Variants in STS observed in about 807,000 individuals in gnomAD.
STS encodes the protein steroid sulfatase.
In STS, 7 loss-of-function variants were observed where a neutral mutation model predicts 26.8. The observed-to-expected ratio is 0.26, with a 90% CI of 0.15 to 0.49. The LOEUF is 0.49. Among genes scored for constraint, STS ranks in the 20% least tolerant of loss-of-function variants. STS has a pLI of 0.98. For synonymous variants in STS, 199 were observed against 189.4 expected, an observed-to-expected ratio of 1.05 and a Z score of -0.42; for missense variants, 434 against 465.6, an observed-to-expected ratio of 0.93 and a Z score of 0.63.
At chrX:7,163,324 A>T (rs73192658) in intron 1 of STS, among the ~76,000 whole-genome samples, 1 of 112,257 alleles carries the variant, frequency 8.9e-6, no homozygotes, top group Admixed American at 9.5e-5. Flanking sequence ...AGAATCACCA[A>T]ATTGGAAACA....
Position 7,194,835 on chromosome X carries a change from G to T in STS, c.-5+3827G>T, listed in dbSNP as rs753024562. 6.3e-5 allele frequency among the ~76,000 whole-genome samples: 7 copies of T among 111,547 alleles called. No individual in the cohort carries two copies. The East Asian group carries it at 1.1e-3, about 18-fold the overall frequency. The stretch of plus-strand genomic sequence containing the variant: ...ATACGTTCTGAGAAATGCTCTGATG[G>T]GTGATTTAGTCACCGCGTGAACATA... On this transcript the variant is annotated intron_variant, in intron 2 of 10. Transcript: ENST00000674429.
chrX:7,158,408 AG>A (rs1380349007), intron 1 of STS, among the ~76,000 whole-genome samples: 1 of 112,234 alleles, frequency 8.9e-6, no homozygotes, highest in Non-Finnish European at 1.9e-5. Flanking sequence ...AACCAGTTGG[AG>A]GAAGAGACAA....
intron 6 of STS, among the ~76,000 whole-genome samples, chrX:7,269,022 A>G (rs1410183667): frequency 9.4e-6 from 1 of 106,026 alleles, no homozygotes; most frequent in African/African-American, 3.5e-5. Context: ...ATGGTCGTGC[A>G]CACCTGTAGT....
rs775981918 is a variant in STS, at chrX:7,177,480, T to TA, written c.-133-13400_-133-13399insA. Among the ~76,000 whole-genome samples the TA allele has an allele frequency of 9.4e-3, 970 of 103,018 alleles. 4 individuals carry two copies. The highest frequency in any genetic ancestry group is 0.021 in the African/African-American group (565 of 26,964). The allele number at this position is 103,018 out of a possible 115,157, so 89.5% of individuals were successfully genotyped here. A position where few individuals can be genotyped will look rare whatever the true frequency, so the allele number is the denominator to read the frequency against. On this transcript the variant is annotated intron_variant, in intron 1 of 10. Transcript: ENST00000674429. Reference sequence around the variant, plus strand: ...TATATTATATATGTATATATATATATTTTTTTTTGGAGTTGGGACAGGGTG... The same window carrying TA: ...TATATTATATATGTATATATATATATATTTTTTTTGGAGTTGGGACAGGGTG...
intron 2 of STS, among the ~76,000 whole-genome samples, chrX:7,214,300 A>G (rs966614693): frequency 9.0e-6 from 1 of 111,259 alleles, no homozygotes; most frequent in East Asian, 2.8e-4. Flanking sequence ...AGCTTTCTCT[A>G]TGTCTTCCTT....
At chrX:7,207,962 T>C (rs1920962107) in intron 2 of STS, among the ~76,000 whole-genome samples, 1 of 111,919 alleles carries the variant, frequency 8.9e-6, no homozygotes, top group African/African-American at 3.2e-5. Flanking sequence ...AAAAGAATGG[T>C]TTCCCAGCCT....
At chrX:7,248,036 T>A (rs1226085563) in intron 2 of STS, among the ~76,000 whole-genome samples, 1 of 111,861 alleles carries the variant, frequency 8.9e-6, no homozygotes, top group Admixed American at 9.5e-5. Context: ...TATAAATACC[T>A]AATGGGAAGG....
In STS at chrX:7,190,977, A is replaced by G. The variant is rs1601639666; in HGVS notation, c.-36A>G. 1.3e-6 allele frequency: 1 copy of G among 753,544 alleles called. No homozygotes were observed. Among genetic ancestry groups the G allele is most frequent in the Non-Finnish European group, 1.6e-6 (1 of 639,053 alleles). 62.1% of individuals were successfully genotyped at this position (753,544 alleles called of 1,213,427 possible). The stretch of plus-strand genomic sequence containing the variant: ...GTAAGTTAAGATCTTCCTGAGGACA[A>G]TGGCGCAAGATCGTCTTCAGCTGTT... On this transcript the variant is annotated 5_prime_UTR_variant, in exon 2 of 11. The change abolishes an upstream ATG in the 5' untranslated region. Coordinates refer to ENST00000674429, the MANE Select transcript of STS (RefSeq NM_001320752.2).
intron 10 of STS, among the ~76,000 whole-genome samples, chrX:7,346,669 AAACATTTTTTAAAAATTT>A (rs1928542079): frequency 1.8e-5 from 2 of 112,289 alleles, no homozygotes; most frequent in African/African-American, 6.5e-5. Context: ...AGTAGTGAAT[AAACATTTTTTAAAAATTT>A]AACATTTTTC....
In STS at chrX:7,259,721, A is replaced by G; in HGVS notation, c.755A>G (p.Tyr252Cys). The G allele has an allele frequency of 8.3e-7, 1 of 1,211,092 alleles. No homozygotes were observed. The highest frequency in any genetic ancestry group is 1.1e-6 in the Non-Finnish European group (1 of 895,347). Residue 252 changes from tyrosine (Y) to cysteine (C), a missense_variant, in exon 6 of 11, where the codon TAT (tyrosine) becomes TGT (cysteine). Tyr to Cys is a radical substitution (Grantham distance 194). This residue lies in a region of STS where 229 missense variants were observed against 288.3 expected (regional missense o/e 0.79). Coordinates refer to ENST00000674429, the MANE Select transcript of STS (RefSeq NM_001320752.2). The stretch of plus-strand genomic sequence containing the variant: ...GAGATCATTCAGCAGCCCATGTCCT[A>G]TGACAATCTCACCCAGAGGCTAACG... ...NYEIIQQPMSYDNLTQRLTVE... is the reference protein window; with the variant it reads ...NYEIIQQPMSCDNLTQRLTVE...
At chrX:7,196,626 A>G (rs922173178) in intron 2 of STS, among the ~76,000 whole-genome samples, 34 of 112,357 alleles carry the variant, frequency 3.0e-4, no homozygotes, top group Non-Finnish European at 5.3e-4. Flanking sequence ...AGTGACCACC[A>G]CAACAAAGAG....
intron 7 of STS, among the ~76,000 whole-genome samples, chrX:7,279,319 G>GTGTGTGTGTGTGTGTGTA (rs1924711688): frequency 1.5e-4 from 6 of 39,963 alleles, no homozygotes; most frequent in African/African-American, 4.5e-4. Flanking sequence ...ATATGTGTGT[G>GTGTGTGTGTGTGTGTGTA]TGTGTGTGTG....
At chrX:7,313,020 C>T (rs1926556671) in intron 8 of STS, among the ~76,000 whole-genome samples, 1 of 111,958 alleles carries the variant, frequency 8.9e-6, no homozygotes, top group Non-Finnish European at 1.9e-5. Context: ...CAGAACAGAA[C>T]AGTTAAACTC....
At chrX:7,280,674 C>T (rs1924814586) in intron 7 of STS, among the ~76,000 whole-genome samples, 1 of 111,775 alleles carries the variant, frequency 8.9e-6, no homozygotes, top group African/African-American at 3.3e-5. Flanking sequence ...GGTTTCTTAT[C>T]TACAGCTTAC....
intron 8 of STS, among the ~76,000 whole-genome samples, chrX:7,324,532 G>T (rs1322046550): frequency 9.0e-6 from 1 of 111,609 alleles, no homozygotes; most frequent in Non-Finnish European, 1.9e-5. Context: ...AATATATTTT[G>T]GGGTAAACTA....
chrX:7,240,533 G>GTGTGTATATA (rs1373072915), intron 2 of STS, among the ~76,000 whole-genome samples: 4 of 60,570 alleles, frequency 6.6e-5, no homozygotes, highest in Admixed American at 2.1e-4. Context: ...GTGTGTGTGT[G>GTGTGTATATA]TATATATATA....
chrX:7,262,248 G>T (rs776873205), intron 6 of STS, among the ~76,000 whole-genome samples: 18 of 112,342 alleles, frequency 1.6e-4, no homozygotes, highest in Admixed American at 9.4e-5. Flanking sequence ...CTCTAGGGAA[G>T]CTTTGCTCCA....
intron 2 of STS, among the ~76,000 whole-genome samples, chrX:7,201,653 A>G (rs1490944521): frequency 2.7e-5 from 3 of 109,886 alleles, no homozygotes; most frequent in African/African-American, 9.9e-5. Flanking sequence ...CTCAACAGTA[A>G]TCCACTCGCA....
intron 10 of STS, among the ~76,000 whole-genome samples, chrX:7,349,131 G>A (rs1928655331): frequency 9.9e-6 from 1 of 100,950 alleles, no homozygotes; most frequent in Non-Finnish European, 2.0e-5. Flanking sequence ...ACAGACACGT[G>A]CCACCACACC....
Sources: gnomAD v4.1 joint callset for allele counts (sites outside exome capture counted in the v4.1 genomes callset) on GRCh38, gnomAD v4.1.1 for gene constraint, gnomAD v4.1.1 regional missense constraint, MANE v1.5 for transcripts, NCBI Gene and HGNC (gene_info 2026-07-23, HGNC 2026-07-21) for gene names.